Variants in TENM2 observed in about 807,000 individuals in gnomAD.
TENM2 encodes the protein teneurin-2.
Under a neutral mutation model 245.2 loss-of-function variants are expected in TENM2, and 52 were observed. The ratio of observed to expected loss-of-function variants is 0.21; its 90% CI spans 0.17 to 0.27. The LOEUF is 0.27. Ranked by LOEUF, TENM2 falls within the 10% of genes least tolerant of loss-of-function variation. The probability of loss-of-function intolerance (pLI) is 1.00; values close to 1 mark genes in which losing one functional copy is unlikely to be tolerated. For missense variants in TENM2, 3,046 were observed against 3,666.8 expected (o/e 0.83, Z 4.37); for synonymous variants, 1,363 against 1,438.9 (o/e 0.95, Z 1.19).
intron 25 of TENM2, among the ~76,000 whole-genome samples, chr5:168,240,368 C>T (rs932313417): frequency 6.6e-6 from 1 of 152,208 alleles, no homozygotes; most frequent in Non-Finnish European, 1.5e-5. Flanking sequence ...GTCCAACACC[C>T]CTCAATCCTA....
chr5:168,183,877 C>A lies in TENM2; in HGVS notation c.2570-6460C>A, dbSNP rs1408299693. On this transcript the variant is annotated intron_variant, in intron 13 of 28. Coordinates refer to ENST00000518659, the Ensembl canonical transcript of TENM2. ...AAAAAACATAGAAATGACTCAGAAG[C>A]ACTTAGTAGGTGACAAGGTGCTCAC... is the stretch of plus-strand genomic sequence containing the variant. Among the ~76,000 whole-genome samples, 3 of 151,962 alleles carry A rather than the reference C, an allele frequency of 2.0e-5. No individual in the cohort carries two copies. In the East Asian group the frequency reaches 5.8e-4, roughly 29 times the overall value.
intron 2 of TENM2, among the ~76,000 whole-genome samples, chr5:167,391,176 T>C (rs983010328): frequency 6.6e-6 from 1 of 151,994 alleles, no homozygotes; most frequent in African/African-American, 2.4e-5. Flanking sequence ...TCCTTTGAAA[T>C]TTTTTTTAAC....
intron 2 of TENM2, among the ~76,000 whole-genome samples, chr5:167,850,492 G>A (rs1302635153): frequency 6.6e-6 from 1 of 152,138 alleles, no homozygotes; most frequent in Non-Finnish European, 1.5e-5. Context: ...AGAATATAAG[G>A]CAGAGAGAGA....
At chr5:167,943,815 A>C (rs1779381208) in intron 3 of TENM2, among the ~76,000 whole-genome samples, 1 of 152,168 alleles carries the variant, frequency 6.6e-6, no homozygotes, top group Non-Finnish European at 1.5e-5. Context: ...AGGGCAATTG[A>C]AAAACCCAAA....
At chr5:167,705,551 C>T (rs1419708299) in intron 2 of TENM2, among the ~76,000 whole-genome samples, 1 of 152,030 alleles carries the variant, frequency 6.6e-6, no homozygotes, top group Non-Finnish European at 1.5e-5. Context: ...AGAGGGTGTA[C>T]AGTAAAGCTT....
At chr5:167,689,036 G>A (rs897622407) in intron 2 of TENM2, among the ~76,000 whole-genome samples, 8 of 152,152 alleles carry the variant, frequency 5.3e-5, no homozygotes, top group African/African-American at 1.7e-4. Flanking sequence ...ACTGTTTGGC[G>A]GTCGTTGAAC....
chr5:167,285,297 C>T (rs1297573080), intron 1 of TENM2, among the ~76,000 whole-genome samples: 1 of 152,186 alleles, frequency 6.6e-6, no homozygotes, highest in Non-Finnish European at 1.5e-5. Context: ...TTACAAGCCT[C>T]AAATTTCTAT....
At chr5:168,148,900 TAGATAGATAGATAGATAGATTGATA>T (rs1756368813) in intron 12 of TENM2, among the ~76,000 whole-genome samples, 2 of 135,630 alleles carry the variant, frequency 1.5e-5, no homozygotes, top group Non-Finnish European at 3.3e-5. Flanking sequence ...GATAGATAGA[TAGATAGATAGATAGATAGATTGATA>T]GATAGCACAA....
rs188883109 is a variant in TENM2 at position 167,910,983 on chromosome 5, G to A, written c.712+34788G>A. 1.9e-3 allele frequency among the ~76,000 whole-genome samples: 293 copies of A among 152,098 alleles called. 4 individuals are homozygous for A. The highest frequency in any genetic ancestry group is 0.015 in the Admixed American group (236 of 15,268). ...GTTAAACAAACCCTAGGAAAAAAGC[G>A]TATTTATGCATCAAAAACCTGTTAT... On this transcript the variant is annotated intron_variant, in intron 3 of 28. Coordinates refer to ENST00000518659, the Ensembl canonical transcript of TENM2.
the TENM2 span, among the ~76,000 whole-genome samples, chr5:167,163,678 C>T: frequency 6.6e-6 from 1 of 152,160 alleles, no homozygotes; most frequent in Non-Finnish European, 1.5e-5. Context: ...ACGGTAACCA[C>T]AGGCTCTGCT....
intron 2 of TENM2, among the ~76,000 whole-genome samples, chr5:167,840,080 C>T (rs1314254665): frequency 6.6e-6 from 1 of 152,240 alleles, no homozygotes; most frequent in African/African-American, 2.4e-5. Flanking sequence ...CTCGGCCTCC[C>T]AAAGTGCTGG....
intron 2 of TENM2, among the ~76,000 whole-genome samples, chr5:167,499,952 GTA>G (rs1481377490): frequency 6.7e-6 from 1 of 148,730 alleles, no homozygotes; most frequent in African/African-American, 2.5e-5. Context: ...GTGTGTGTGT[GTA>G]TGTACGTGTA....
At chr5:167,078,079 T>C in the TENM2 span, among the ~76,000 whole-genome samples, 1 of 151,764 alleles carries the variant, frequency 6.6e-6, no homozygotes, top group Non-Finnish European at 1.5e-5. Context: ...AATATAATTA[T>C]ATATAATATA....
At chr5:167,646,099 T>G (rs1779909624) in intron 2 of TENM2, among the ~76,000 whole-genome samples, 1 of 149,726 alleles carries the variant, frequency 6.7e-6, no homozygotes, top group African/African-American at 2.4e-5. Context: ...AACATATATA[T>G]ATACACACAC....
rs780448268 is a variant in TENM2 at position 168,118,340 on chromosome 5, C to T, written c.1862C>T (p.Thr621Met). The stretch of plus-strand genomic sequence containing the variant: ...GGGAATGGACAATATTCTAAAGGGA[C>T]GTGCCAGTGCTACAGCGGCTGGAAA... Residue 621 changes from threonine to methionine, a missense_variant, in exon 10 of 29, where the codon ACG (threonine) becomes ATG (methionine). By Grantham distance (81) the Thr-to-Met change is moderately conservative (BLOSUM62 -1). Coordinates refer to ENST00000518659, the Ensembl canonical transcript of TENM2. 8 of 1,609,776 alleles carry T rather than the reference C, an allele frequency of 5.0e-6. No homozygotes were observed. In the East Asian group the frequency reaches 6.7e-5, roughly 13 times the overall value.
At chr5:167,909,654 T>C (rs1776394532) in intron 3 of TENM2, among the ~76,000 whole-genome samples, 1 of 152,228 alleles carries the variant, frequency 6.6e-6, no homozygotes, top group South Asian at 2.1e-4. Context: ...AAATCTCATT[T>C]TTAAGTAAAA....
At chr5:168,023,455 T>C (rs569939820) in intron 5 of TENM2, among the ~76,000 whole-genome samples, 1 of 152,282 alleles carries the variant, frequency 6.6e-6, no homozygotes, top group East Asian at 1.9e-4. Context: ...GCCAGCTGAC[T>C]TGCAGAGCAG....
At chr5:167,896,148 G>A (rs952831636) in intron 3 of TENM2, among the ~76,000 whole-genome samples, 1 of 152,258 alleles carries the variant, frequency 6.6e-6, no homozygotes, top group Non-Finnish European at 1.5e-5. Context: ...CTGGGCTAGA[G>A]CTGGGACTGG....
intron 2 of TENM2, among the ~76,000 whole-genome samples, chr5:167,555,813 C>T (rs1240011081): frequency 2.0e-5 from 3 of 152,088 alleles, no homozygotes; most frequent in African/African-American, 7.2e-5. Flanking sequence ...TGCTGGAGAG[C>T]TCCAAAGCTG....
Sources: allele counts gnomAD v4.1 joint callset (sites outside exome capture counted in the v4.1 genomes callset), GRCh38; gene constraint gnomAD v4.1.1; transcripts MANE v1.5; gene names NCBI Gene and HGNC (gene_info 2026-07-23, HGNC 2026-07-21).